AGPAT4: variants seen among roughly 807,000 people sequenced by gnomAD.
AGPAT4 encodes 1-acylglycerol-3-phosphate O-acyltransferase 4.
Under a neutral mutation model 48.0 loss-of-function variants are expected in AGPAT4, and 15 were observed. The observed-to-expected ratio is 0.31, with a 90% CI of 0.21 to 0.48. The LOEUF is 0.48. AGPAT4 is among the 20% of genes least tolerant of loss of function. The probability of loss-of-function intolerance (pLI) is 0.99; values close to 1 mark genes in which losing one functional copy is unlikely to be tolerated. For missense variants in AGPAT4, 314 were observed against 482.5 expected (o/e 0.65, Z 3.27); for synonymous variants, 178 against 198.7 (o/e 0.90, Z 0.88).
chr6:161,152,942 C>T (rs1004846174), intron 5 of AGPAT4, among the ~76,000 whole-genome samples: 4 of 152,212 alleles, frequency 2.6e-5, no homozygotes, highest in African/African-American at 4.8e-5. Context: ...TTCCAGACTC[C>T]GAGGTCAGCT....
rs1016061948 is a variant in AGPAT4, at chr6:161,238,083, G to A, written c.-89-5781C>T. On this transcript the variant is annotated intron_variant, in intron 1 of 8. Transcript: ENST00000320285. This position sits in a 1 kb window ranked among gnomAD's most constrained non-coding sequence, Gnocchi z 5.2. ...GGCTGGGGGTGGGGGGGTAATGGGG[G>A]GGTTGGGGGGCGGGAGGCAGAATGC... 6.7e-6 allele frequency among the ~76,000 whole-genome samples: 1 copy of A among 148,406 alleles called. No individual in the cohort carries two copies. The highest frequency in any genetic ancestry group is 1.5e-5 in the Non-Finnish European group (1 of 66,904).
chr6:161,150,994 C>T (rs763417802), intron 5 of AGPAT4, among the ~76,000 whole-genome samples: 16 of 152,190 alleles, frequency 1.1e-4, no homozygotes, highest in Admixed American at 3.3e-4. Flanking sequence ...GGAGAACCCA[C>T]GGGTTCCCCA....
At position 161,267,676 on chromosome 6, in the gene AGPAT4, T is replaced by C. The variant is rs1562364654; in HGVS notation, c.-90+6262A>G. Among the ~76,000 whole-genome samples, 1 of 151,626 alleles carries C rather than the reference T, an allele frequency of 6.6e-6. No individual in the cohort carries two copies. Among genetic ancestry groups the C allele is most frequent in the East Asian group, 1.9e-4 (1 of 5,146 alleles). On this transcript the variant is annotated intron_variant, in intron 1 of 8. Coordinates refer to ENST00000320285, the MANE Select transcript of AGPAT4 (RefSeq NM_020133.3). The surrounding 1 kb of genome is among the most constrained non-coding windows in gnomAD (Gnocchi z 5.2). ...GGCAGAGGTTGCAGTGAGCCAAGACTGCGCCATTGCACTCCAGCCTGGGCA... is the reference window on the plus strand; with the variant it reads ...GGCAGAGGTTGCAGTGAGCCAAGACCGCGCCATTGCACTCCAGCCTGGGCA...
rs779254972 is a variant in AGPAT4 at position 161,149,308 on chromosome 6, ATACAAAGCAG to A, written c.665-29_665-20del. On this transcript the variant is annotated intron_variant, in intron 5 of 8. Coordinates refer to ENST00000320285, the MANE Select transcript of AGPAT4 (RefSeq NM_020133.3). The surrounding 1 kb of genome is among the most constrained non-coding windows in gnomAD (Gnocchi z 6.5). ...GCTGAAACTATAAAAAATAAAACAAATACAAAGCAGTATATAGCGTGTGAACCCAATTTTG... is the reference window on the plus strand; with the variant it reads ...GCTGAAACTATAAAAAATAAAACAAATATATAGCGTGTGAACCCAATTTTG... The A allele has an allele frequency of 6.2e-7, 1 of 1,601,288 alleles. No individual in the cohort carries two copies. Among genetic ancestry groups the A allele is most frequent in the African/African-American group, 1.3e-5 (1 of 74,730 alleles).
chr6:161,239,942 A>G (rs539798975), intron 1 of AGPAT4, among the ~76,000 whole-genome samples: 89 of 152,290 alleles, frequency 5.8e-4, no homozygotes, highest in African/African-American at 1.9e-3. Context: ...AAAATTCCCT[A>G]TGTATAAAGA....
chr6:161,139,039 C>T lies in AGPAT4; in HGVS notation c.1042+383G>A, dbSNP rs557563932. 4.6e-5 allele frequency among the ~76,000 whole-genome samples: 7 copies of T among 152,326 alleles called. No individual in the cohort carries two copies. Among genetic ancestry groups the T allele is most frequent in the Admixed American group, 1.3e-4 (2 of 15,304 alleles). On this transcript the variant is annotated intron_variant, in intron 8 of 8. Coordinates refer to ENST00000320285, the MANE Select transcript of AGPAT4 (RefSeq NM_020133.3). This position sits in a 1 kb window ranked among gnomAD's most constrained non-coding sequence, Gnocchi z 9.1. ...AGAGGAAGGCAGGGAGCTGCCCATC[C>T]GTCCCCGCCAGGCTCCAGCACAGGG...
At position 161,197,921 on chromosome 6, in the gene AGPAT4, G is replaced by C. The variant is rs1781115893; in HGVS notation, c.179-31504C>G. Among the ~76,000 whole-genome samples the C allele has an allele frequency of 6.6e-6, 1 of 152,180 alleles. No individual in the cohort carries two copies. The highest frequency in any genetic ancestry group is 6.5e-5 in the Admixed American group (1 of 15,278). On this transcript the variant is annotated intron_variant, in intron 2 of 8. Transcript: ENST00000320285. The surrounding 1 kb of genome is among the most constrained non-coding windows in gnomAD (Gnocchi z 5.7). The stretch of plus-strand genomic sequence containing the variant: ...CAATAGCAATGAAAAGCTACACGTA[G>C]GGTTTACCCAGACAATTCGGGCTGG...
rs975220919 is a variant in AGPAT4, at chr6:161,140,884, G to A, written c.844-1264C>T. On this transcript the variant is annotated intron_variant, in intron 7 of 8. Coordinates refer to ENST00000320285, the MANE Select transcript of AGPAT4 (RefSeq NM_020133.3). This position sits in a 1 kb window ranked among gnomAD's most constrained non-coding sequence, Gnocchi z 6.5. ...ATGCACGCCACACAAAAATGGGTGT[G>A]GGTCACAGTGAGGCCCAGTTTGTGT... Among the ~76,000 whole-genome samples the A allele has an allele frequency of 6.6e-6, 1 of 152,180 alleles. No individual in the cohort carries two copies. Among genetic ancestry groups the A allele is most frequent in the African/African-American group, 2.4e-5 (1 of 41,428 alleles).
chr6:161,204,085 CTT>C lies in AGPAT4; in HGVS notation c.178+27949_178+27950del, dbSNP rs1191126340. Among the ~76,000 whole-genome samples, 1 of 152,130 alleles carries C rather than the reference CTT, an allele frequency of 6.6e-6. No homozygotes were observed. The highest frequency in any genetic ancestry group is 1.5e-5 in the Non-Finnish European group (1 of 68,014). The stretch of plus-strand genomic sequence containing the variant: ...AAATGTTTAAAAACAATTTCAGACT[CTT>C]GAGTTGACTTTACCTTCTCAAGACT... On this transcript the variant is annotated intron_variant, in intron 2 of 8. Coordinates refer to ENST00000320285, the MANE Select transcript of AGPAT4 (RefSeq NM_020133.3). The surrounding 1 kb of genome is among the most constrained non-coding windows in gnomAD (Gnocchi z 4.4).
At chr6:161,179,315 A>G (rs2114991118) in intron 2 of AGPAT4, among the ~76,000 whole-genome samples, 1 of 152,342 alleles carries the variant, frequency 6.6e-6, no homozygotes, top group African/African-American at 2.4e-5. Flanking sequence ...AAGGTTGCTG[A>G]AGACACTAAA....
At chr6:161,183,908 G>A (rs1780687576) in intron 2 of AGPAT4, among the ~76,000 whole-genome samples, 2 of 152,130 alleles carry the variant, frequency 1.3e-5, no homozygotes, top group South Asian at 2.1e-4. Flanking sequence ...GCCCAGGAGG[G>A]TGGAGCTCAG....
intron 2 of AGPAT4, among the ~76,000 whole-genome samples, chr6:161,170,802 T>G (rs1780248414): frequency 6.6e-6 from 1 of 152,204 alleles, no homozygotes; most frequent in African/African-American, 2.4e-5. Context: ...TTTACCATCA[T>G]GCATCAAATG....
intron 2 of AGPAT4, among the ~76,000 whole-genome samples, chr6:161,174,623 C>T (rs934381924): frequency 6.6e-6 from 1 of 152,150 alleles, no homozygotes; most frequent in South Asian, 2.1e-4. Flanking sequence ...CTTTTCCTAA[C>T]TGAATACCCT....
rs1302842639 is a variant in AGPAT4, at chr6:161,196,057, C to T, written c.179-29640G>A. 2.0e-5 allele frequency among the ~76,000 whole-genome samples: 3 copies of T among 152,192 alleles called. No individual in the cohort carries two copies. Among genetic ancestry groups the T allele is most frequent in the African/African-American group, 7.2e-5 (3 of 41,450 alleles). On this transcript the variant is annotated intron_variant, in intron 2 of 8. Coordinates refer to ENST00000320285, the MANE Select transcript of AGPAT4 (RefSeq NM_020133.3). The surrounding 1 kb of genome is among the most constrained non-coding windows in gnomAD (Gnocchi z 4.3). Reference sequence around the variant, plus strand: ...TGCCAGGACTTTAGGATTTGCATAACTTAATGAGGCTTAATGACCCACCAT... The same window carrying T: ...TGCCAGGACTTTAGGATTTGCATAATTTAATGAGGCTTAATGACCCACCAT...
At position 161,215,717 on chromosome 6, in the gene AGPAT4, A is replaced by G. The variant is rs1781627893; in HGVS notation, c.178+16319T>C. ...TAACCTCCCTTACCATAAAAAAAAA[A>G]AAAAAGAAAACACAAAAACACAAGA... On this transcript the variant is annotated intron_variant, in intron 2 of 8. Transcript: ENST00000320285. The surrounding 1 kb of genome is among the most constrained non-coding windows in gnomAD (Gnocchi z 4.5). 6.6e-6 allele frequency among the ~76,000 whole-genome samples: 1 copy of G among 152,118 alleles called. No homozygotes were observed. Among genetic ancestry groups the G allele is most frequent in the Admixed American group, 6.5e-5 (1 of 15,276 alleles).
rs1005394101 is a variant in AGPAT4 at position 161,221,305 on chromosome 6, G to A, written c.178+10731C>T. 2.0e-5 allele frequency among the ~76,000 whole-genome samples: 3 copies of A among 152,046 alleles called. No homozygotes were observed. Among genetic ancestry groups the A allele is most frequent in the Admixed American group, 1.3e-4 (2 of 15,266 alleles). ...TATACAGTTTGTCACCTTCCTCCAC[G>A]TCCAATGTCACCAGCCAGCCGCACT... is the stretch of plus-strand genomic sequence containing the variant. On this transcript the variant is annotated intron_variant, in intron 2 of 8. Transcript: ENST00000320285. The surrounding 1 kb of genome is among the most constrained non-coding windows in gnomAD (Gnocchi z 4.5).
In AGPAT4 at chr6:161,154,095, C is replaced by T. The variant is rs142764194; in HGVS notation, c.510+54G>A. 8,032 of 1,610,494 alleles carry T rather than the reference C, an allele frequency of 5.0e-3. 25 individuals are homozygous for T. The highest frequency in any genetic ancestry group is 7.8e-3 in the African/African-American group (582 of 75,000). ...CTGTGGAAGTCACATGGGGGTCCCA[C>T]GGTCACAGTCCTGCAGGAGCCCTTG... is the stretch of plus-strand genomic sequence containing the variant. On this transcript the variant is annotated intron_variant, in intron 4 of 8. Coordinates refer to ENST00000320285, the MANE Select transcript of AGPAT4 (RefSeq NM_020133.3). This position sits in a 1 kb window ranked among gnomAD's most constrained non-coding sequence, Gnocchi z 7.8.
rs1200971873 is a variant in AGPAT4 at position 161,140,012 on chromosome 6, T to C, written c.844-392A>G. 6.6e-6 allele frequency among the ~76,000 whole-genome samples: 1 copy of C among 151,704 alleles called. No homozygotes were observed. Among genetic ancestry groups the C allele is most frequent in the East Asian group, 1.9e-4 (1 of 5,136 alleles). ...ACGATAGGTCGGCGGGAGAATGGAG[T>C]GGATGCTGCGCCGAAGCTGCCCGCA... On this transcript the variant is annotated intron_variant, in intron 7 of 8. Transcript: ENST00000320285. This position sits in a 1 kb window ranked among gnomAD's most constrained non-coding sequence, Gnocchi z 6.5.
At chr6:161,213,606 C>G (rs1781572830) in intron 2 of AGPAT4, among the ~76,000 whole-genome samples, 1 of 152,106 alleles carries the variant, frequency 6.6e-6, no homozygotes, top group Non-Finnish European at 1.5e-5. Context: ...AGCCAGACAA[C>G]TTAAACTTCA....
Sources: gnomAD v4.1 joint callset for allele counts (sites outside exome capture counted in the v4.1 genomes callset) on GRCh38, gnomAD v4.1.1 for gene constraint, Gnocchi (gnomAD v3.1) non-coding constraint, MANE v1.5 for transcripts, NCBI Gene and HGNC (gene_info 2026-07-23, HGNC 2026-07-21) for gene names.